ST3GAL1: variants seen among roughly 807,000 people sequenced by gnomAD.
ST3GAL1 encodes the protein ST3 beta-galactoside alpha-2,3-sialyltransferase 1, also known as CMP-N-acetylneuraminate-beta-galactosamide-alpha-2,3-sialyltransferase 1.
Under a neutral mutation model 34.1 loss-of-function variants are expected in ST3GAL1, and 16 were observed. That is an observed-to-expected ratio of 0.47 (90% CI 0.32 to 0.71). The LOEUF is 0.71. Among genes scored for constraint, ST3GAL1 ranks in the 30% least tolerant of loss-of-function variants. The pLI, the probability that ST3GAL1 is intolerant of heterozygous loss-of-function variation, is 0.04. For missense variants in ST3GAL1, 353 were observed against 447.4 expected, an observed-to-expected ratio of 0.79 and a Z score of 1.90; for synonymous variants, 191 against 184.7, an observed-to-expected ratio of 1.03 and a Z score of -0.28.
At chr8:133,551,584 A>G (rs1009285558) in intron 1 of ST3GAL1, among the ~76,000 whole-genome samples, 1 of 149,470 alleles carries the variant, frequency 6.7e-6, no homozygotes, top group South Asian at 2.1e-4. Context: ...GAAAGAAAGA[A>G]AGAAAGAAAG....
At chr8:133,559,035 T>TTGTGTGTG (rs34571050) in intron 1 of ST3GAL1, among the ~76,000 whole-genome samples, 1,927 of 149,238 alleles carry the variant, frequency 0.013, 29 homozygotes, top group African/African-American at 0.044. Context: ...GAGTGTGGTT[T>TTGTGTGTG]TGTGTGTGTG....
In ST3GAL1 at chr8:133,497,455, A is replaced by ATTTTTTTTTTTTTTTT. The variant is rs1816988627; in HGVS notation, c.-374+1679_-374+1680insAAAAAAAAAAAAAAAA. On this transcript the variant is annotated intron_variant, in intron 3 of 9. Coordinates refer to ENST00000522652, the MANE Select transcript of ST3GAL1 (RefSeq NM_173344.3). ...CTTCTCTCCCATGCAATTTTGTTGGAATTTTTTTTTTTTTTTTTTTTTTTT... is the reference window on the plus strand; with the variant it reads ...CTTCTCTCCCATGCAATTTTGTTGGATTTTTTTTTTTTTTTTATTTTTTTTTTTTTTTTTTTTTTTT... 8.9e-5 allele frequency among the ~76,000 whole-genome samples: 9 copies of ATTTTTTTTTTTTTTTT among 101,242 alleles called. 4 individuals carry two copies. Among genetic ancestry groups the ATTTTTTTTTTTTTTTT allele is most frequent in the Admixed American group, 2.4e-4 (2 of 8,354 alleles). The allele number at this position is 101,242 out of a possible 152,430, so 66.4% of individuals were successfully genotyped here. A position where few individuals can be genotyped will look rare whatever the true frequency, so the allele number is the denominator to read the frequency against.
At chr8:133,527,132 A>T (rs960376705) in intron 2 of ST3GAL1, among the ~76,000 whole-genome samples, 1 of 152,140 alleles carries the variant, frequency 6.6e-6, no homozygotes, top group African/African-American at 2.4e-5. Flanking sequence ...CTGCTCTTTA[A>T]CAAAGGATAA....
intron 2 of ST3GAL1, among the ~76,000 whole-genome samples, chr8:133,524,792 T>A (rs957498415): frequency 6.6e-6 from 1 of 152,220 alleles, no homozygotes; most frequent in Non-Finnish European, 1.5e-5. Flanking sequence ...CATGTCTGGA[T>A]GAAGAAGCAA....
intron 2 of ST3GAL1, among the ~76,000 whole-genome samples, chr8:133,522,998 G>A (rs757821222): frequency 3.3e-5 from 5 of 152,178 alleles, no homozygotes; most frequent in Non-Finnish European, 7.3e-5. Context: ...CCTTGCTGGG[G>A]GAGACATTCA....
intron 1 of ST3GAL1, among the ~76,000 whole-genome samples, chr8:133,559,863 C>G (rs1479494803): frequency 6.6e-6 from 1 of 152,158 alleles, no homozygotes; most frequent in African/African-American, 2.4e-5. Context: ...CTCCAAACCC[C>G]CCGGCAGGCT....
rs1279023658 is a variant in ST3GAL1 at position 133,548,878 on chromosome 8, G to A, written c.-581-2952C>T. ...ACTGGCTATCATATGGGTGTAGGAG[G>A]CACTAAATAATGACCAGTGAATCCA... On this transcript the variant is annotated intron_variant, in intron 1 of 9. Transcript: ENST00000522652. Among the ~76,000 whole-genome samples, 19 of 152,132 alleles carry A rather than the reference G, an allele frequency of 1.2e-4. 1 individual carries two copies. Among genetic ancestry groups the A allele is most frequent in the Admixed American group, 1.2e-3 (19 of 15,274 alleles).
Position 133,459,296 on chromosome 8 carries a change from C to T in ST3GAL1, c.*468G>A, listed in dbSNP as rs141821144. The T allele has an allele frequency of 9.5e-4, 146 of 153,264 alleles. No individual in the cohort carries two copies. The highest frequency in any genetic ancestry group is 6.7e-3 in the Middle Eastern group (2 of 298). The allele number at this position is 153,264 out of a possible 1,614,324, so 9.5% of individuals were successfully genotyped here. A position where few individuals can be genotyped will look rare whatever the true frequency, so the allele number is the denominator to read the frequency against. On this transcript the variant is annotated 3_prime_UTR_variant, in exon 10 of 10. Coordinates refer to ENST00000522652, the MANE Select transcript of ST3GAL1 (RefSeq NM_173344.3). This position sits in a 1 kb window ranked among gnomAD's most constrained non-coding sequence, Gnocchi z 4.7. ...TCACGCCAAGCAAGAGGCCAGGCTT[C>T]GTGCAAAGAAGGGCAGCATCTCGCC...
At chr8:133,472,549 C>A (rs886205460) in intron 5 of ST3GAL1, among the ~76,000 whole-genome samples, 13 of 152,232 alleles carry the variant, frequency 8.5e-5, no homozygotes, top group Non-Finnish European at 1.9e-4. Flanking sequence ...AGAGCAATGG[C>A]GCAGCCTGGA....
intron 2 of ST3GAL1, among the ~76,000 whole-genome samples, chr8:133,527,503 C>T (rs1477757936): frequency 2.0e-5 from 3 of 152,144 alleles, no homozygotes; most frequent in East Asian, 3.9e-4. Context: ...AGGTTCAAAT[C>T]CCAACTTTGC....
At chr8:133,528,806 A>C (rs1647045249) in intron 2 of ST3GAL1, among the ~76,000 whole-genome samples, 1 of 152,228 alleles carries the variant, frequency 6.6e-6, no homozygotes, top group South Asian at 2.1e-4. Context: ...CAAGGGTAGG[A>C]CCACATTTCC....
chr8:133,470,254 T>C lies in ST3GAL1; in HGVS notation c.307-4164A>G, dbSNP rs186956175. On this transcript the variant is annotated intron_variant, in intron 5 of 9. Coordinates refer to ENST00000522652, the MANE Select transcript of ST3GAL1 (RefSeq NM_173344.3). Reference sequence around the variant, plus strand: ...GACCAACATGGAGAAACCCGGTCTCTACTAAAAATACAAAATCAGCTGGGC... The same window carrying C: ...GACCAACATGGAGAAACCCGGTCTCCACTAAAAATACAAAATCAGCTGGGC... Among the ~76,000 whole-genome samples, 491 of 152,208 alleles carry C rather than the reference T, an allele frequency of 3.2e-3. 4 individuals are homozygous for C. Among genetic ancestry groups the C allele is most frequent in the South Asian group, 0.014 (66 of 4,824 alleles).
intron 1 of ST3GAL1, among the ~76,000 whole-genome samples, chr8:133,565,294 T>C (rs573425120): frequency 6.6e-6 from 1 of 152,200 alleles, no homozygotes; most frequent in East Asian, 1.9e-4. Context: ...GCTCAGCTCT[T>C]GGTGCCACAG....
rs535515243 is a variant in ST3GAL1 at position 133,480,713 on chromosome 8, TCCTGCC to T, written c.-373-4119_-373-4114del. Among the ~76,000 whole-genome samples, 33 of 152,286 alleles carry T rather than the reference TCCTGCC, an allele frequency of 2.2e-4. No homozygotes were observed. The South Asian group carries it at 2.3e-3, about 11-fold the overall frequency. On this transcript the variant is annotated intron_variant, in intron 3 of 9. Transcript: ENST00000522652. ...CAGCAAAATGGTAGCAAAGGCAGAC[TCCTGCC>T]TTCTCCTGTGGCTTTCTGTGTAGCC...
At chr8:133,528,128 T>C (rs1393180345) in intron 2 of ST3GAL1, among the ~76,000 whole-genome samples, 1 of 151,664 alleles carries the variant, frequency 6.6e-6, no homozygotes, top group Non-Finnish European at 1.5e-5. Context: ...TAAGCCAAGG[T>C]CACACCACTG....
At chr8:133,517,855 T>C (rs886491131) in intron 2 of ST3GAL1, among the ~76,000 whole-genome samples, 4 of 152,230 alleles carry the variant, frequency 2.6e-5, no homozygotes, top group African/African-American at 9.6e-5. Context: ...CAGAAAGTTT[T>C]ACATAAAAAT....
At chr8:133,470,495 C>T (rs972474251) in intron 5 of ST3GAL1, among the ~76,000 whole-genome samples, 4 of 152,188 alleles carry the variant, frequency 2.6e-5, no homozygotes, top group Non-Finnish European at 5.9e-5. Context: ...GACACGCCCT[C>T]TCCAGCCTTC....
At chr8:133,529,303 C>T (rs1398456770) in intron 2 of ST3GAL1, among the ~76,000 whole-genome samples, 1 of 152,170 alleles carries the variant, frequency 6.6e-6, no homozygotes, top group South Asian at 2.1e-4. Flanking sequence ...AGAAAGCGGG[C>T]CAGAGAGGAT....
intron 6 of ST3GAL1, chr8:133,465,679 C>A: frequency 6.2e-6 from 3 of 484,080 alleles, no homozygotes; most frequent in Non-Finnish European, 1.1e-5. Context: ...TTCCTCTCTG[C>A]ACGCAGAGGC....
Sources: allele counts gnomAD v4.1 joint callset (sites outside exome capture counted in the v4.1 genomes callset), GRCh38; gene constraint gnomAD v4.1.1; non-coding constraint Gnocchi (gnomAD v3.1); transcripts MANE v1.5; gene names NCBI Gene and HGNC (gene_info 2026-07-23, HGNC 2026-07-21).